CUEDC1: variants seen among roughly 807,000 people sequenced by gnomAD.
CUEDC1 encodes the protein CUE domain containing 1, also known as CUE domain-containing protein 1.
In CUEDC1, 30 loss-of-function variants were observed where a neutral mutation model predicts 43.7. That is an observed-to-expected ratio of 0.69 (90% CI 0.51 to 0.93). The LOEUF (loss-of-function observed/expected upper bound fraction) is 0.93, where lower values mean the gene tolerates loss of function less well. Ranked by LOEUF, CUEDC1 falls within the 40% of genes least tolerant of loss-of-function variation. The pLI, the probability that CUEDC1 is intolerant of heterozygous loss-of-function variation, is 0.00. For synonymous variants in CUEDC1, 223 were observed against 223.6 expected (o/e 1.00, Z 0.02); for missense variants, 486 against 549.0 (o/e 0.89, Z 1.15).
rs574404548 is a variant in CUEDC1, at chr17:57,942,014, A to T, written c.-316+13211T>A. 1.3e-4 allele frequency among the ~76,000 whole-genome samples: 20 copies of T among 152,268 alleles called. 1 individual carries two copies. The South Asian group carries it at 4.2e-3, about 32-fold the overall frequency. ...AGCCTGGGGGGCAGGGCTGGTCTGAAGGAGTTCTCATGCAACCCCTTCTTC... is the reference window on the plus strand; with the variant it reads ...AGCCTGGGGGGCAGGGCTGGTCTGATGGAGTTCTCATGCAACCCCTTCTTC... On this transcript the variant is annotated intron_variant, in intron 1 of 10. Coordinates refer to ENST00000577830, the MANE Select transcript of CUEDC1 (RefSeq NM_001271875.2).
intron 3 of CUEDC1, among the ~76,000 whole-genome samples, chr17:57,874,042 A>C (rs2074075362): frequency 1.3e-5 from 2 of 152,246 alleles, no homozygotes; most frequent in Admixed American, 6.5e-5. Flanking sequence ...TAAAGACAGC[A>C]GGGATCGCAT....
At chr17:57,899,568 C>T (rs2074449428) in intron 1 of CUEDC1, among the ~76,000 whole-genome samples, 1 of 152,180 alleles carries the variant, frequency 6.6e-6, no homozygotes, top group Non-Finnish European at 1.5e-5. Context: ...TGTATGGGCA[C>T]ATACAGCAGC....
intron 1 of CUEDC1, among the ~76,000 whole-genome samples, chr17:57,939,840 C>T (rs2074900474): frequency 6.6e-6 from 1 of 152,134 alleles, no homozygotes; most frequent in Admixed American, 6.6e-5. Context: ...AGCTGAGGGG[C>T]CATACCACCT....
intron 1 of CUEDC1, among the ~76,000 whole-genome samples, chr17:57,927,380 A>G (rs1285416996): frequency 1.3e-5 from 2 of 150,404 alleles, no homozygotes; most frequent in African/African-American, 4.9e-5. Flanking sequence ...GCTGCTGCAG[A>G]AAGCCTAGGG....
At chr17:57,914,010 G>A (rs2074612329) in intron 1 of CUEDC1, among the ~76,000 whole-genome samples, 1 of 152,114 alleles carries the variant, frequency 6.6e-6, no homozygotes, top group Non-Finnish European at 1.5e-5. Flanking sequence ...CATCAATGTG[G>A]CAGCACTAGT....
chr17:57,883,354 G>A (rs2074242423), intron 2 of CUEDC1, among the ~76,000 whole-genome samples: 1 of 152,228 alleles, frequency 6.6e-6, no homozygotes, highest in African/African-American at 2.4e-5. Flanking sequence ...AAAGCAAGGA[G>A]ACTTTGCCCT....
rs764959132 is a variant in CUEDC1, at chr17:57,930,739, C to T, written c.-316+24486G>A. ...AGCTGAGAAATCTAAGAGCTGGAAG[C>T]CTGGGAGGAAGGGATGTGCTGTGGC... On this transcript the variant is annotated intron_variant, in intron 1 of 10. Coordinates refer to ENST00000577830, the MANE Select transcript of CUEDC1 (RefSeq NM_001271875.2). This position sits in a 1 kb window ranked among gnomAD's most constrained non-coding sequence, Gnocchi z 4.2. 3.9e-5 allele frequency among the ~76,000 whole-genome samples: 6 copies of T among 152,068 alleles called. No homozygotes were observed. Among genetic ancestry groups the T allele is most frequent in the Non-Finnish European group, 5.9e-5 (4 of 68,014 alleles).
intron 1 of CUEDC1, among the ~76,000 whole-genome samples, chr17:57,946,631 T>G (rs577686726): frequency 6.6e-6 from 1 of 152,236 alleles, no homozygotes; most frequent in East Asian, 1.9e-4. Flanking sequence ...CAGTACAAGA[T>G]GTATGTTGAC....
At chr17:57,886,753 A>T (rs938418354) in intron 1 of CUEDC1, among the ~76,000 whole-genome samples, 16 of 152,166 alleles carry the variant, frequency 1.1e-4, no homozygotes, top group African/African-American at 2.2e-4. Context: ...ACATATTTTT[A>T]AAAATTCTAG....
rs190906131 is a variant in CUEDC1, at chr17:57,928,495, G to T, written c.-316+26730C>A. On this transcript the variant is annotated intron_variant, in intron 1 of 10. Transcript: ENST00000577830. The stretch of plus-strand genomic sequence containing the variant: ...ACCCAGAAGGTGGCGCTTACAGTGA[G>T]CTGAGATCGCCACTGCACTCCAGCC... 1.8e-3 allele frequency among the ~76,000 whole-genome samples: 257 copies of T among 145,792 alleles called. 1 individual carries two copies. Among genetic ancestry groups the T allele is most frequent in the African/African-American group, 6.1e-3 (237 of 38,860 alleles).
intron 2 of CUEDC1, among the ~76,000 whole-genome samples, chr17:57,881,439 C>T (rs1162315350): frequency 2.0e-5 from 3 of 152,344 alleles, no homozygotes; most frequent in South Asian, 2.1e-4. Context: ...TGTTCCCTGG[C>T]GACTCTCTGG....
chr17:57,887,141 C>T (rs1449161234), intron 1 of CUEDC1, among the ~76,000 whole-genome samples: 2 of 152,048 alleles, frequency 1.3e-5, no homozygotes, highest in African/African-American at 2.4e-5. Context: ...TTCTTATCCC[C>T]ACCAAGCCCA....
chr17:57,880,930 G>A (rs1028161395), intron 2 of CUEDC1, among the ~76,000 whole-genome samples: 10 of 152,138 alleles, frequency 6.6e-5, no homozygotes, highest in Non-Finnish European at 7.4e-5. Flanking sequence ...CCACAACTCT[G>A]TTCCCATCTC....
Position 57,879,748 on chromosome 17 carries a change from A to G in CUEDC1, c.337-10T>C, listed in dbSNP as rs2074178980. On this transcript the variant is annotated splice_polypyrimidine_tract_variant and intron_variant, in intron 2 of 10. Coordinates refer to ENST00000577830, the MANE Select transcript of CUEDC1 (RefSeq NM_001271875.2). ...AAGTCCTTTCCAAGATCTAAATCAGAGGCAACAGAGAAAGAAATATTAATC... is the reference window on the plus strand; with the variant it reads ...AAGTCCTTTCCAAGATCTAAATCAGGGGCAACAGAGAAAGAAATATTAATC... 6.3e-7 allele frequency: 1 copy of G among 1,591,562 alleles called. No individual in the cohort carries two copies. The highest frequency in any genetic ancestry group is 8.5e-7 in the Non-Finnish European group (1 of 1,172,234).
chr17:57,913,968 C>T (rs2143073308), intron 1 of CUEDC1, among the ~76,000 whole-genome samples: 1 of 152,332 alleles, frequency 6.6e-6, no homozygotes, highest in South Asian at 2.1e-4. Flanking sequence ...TCCCACGTGG[C>T]TTTGGCCTAT....
chr17:57,948,210 T>C (rs188962302), intron 1 of CUEDC1, among the ~76,000 whole-genome samples: 46 of 152,348 alleles, frequency 3.0e-4, no homozygotes, highest in Admixed American at 2.4e-3. Context: ...GATAACCCAC[T>C]AGCTCCAACT....
intron 1 of CUEDC1, among the ~76,000 whole-genome samples, chr17:57,944,943 A>T (rs184211560): frequency 1.5e-3 from 224 of 152,330 alleles, no homozygotes; most frequent in Middle Eastern, 0.01. Flanking sequence ...GTGTCGCCCC[A>T]TCAGAGGTGT....
intron 1 of CUEDC1, among the ~76,000 whole-genome samples, chr17:57,938,944 A>G (rs1489735916): frequency 6.8e-6 from 1 of 146,918 alleles, no homozygotes. Context: ...TACAGGCACG[A>G]GCCACCGTGC....
chr17:57,903,676 C>T (rs1321813264), intron 1 of CUEDC1, among the ~76,000 whole-genome samples: 1 of 152,012 alleles, frequency 6.6e-6, no homozygotes. Context: ...TATATGAAAA[C>T]CTATATAATC....
Sources: allele counts gnomAD v4.1 joint callset (sites outside exome capture counted in the v4.1 genomes callset), GRCh38; gene constraint gnomAD v4.1.1; non-coding constraint Gnocchi (gnomAD v3.1); transcripts MANE v1.5; gene names NCBI Gene and HGNC (gene_info 2026-07-23, HGNC 2026-07-21).